The following KHDRBS2 variants were observed in gnomAD, a reference collection of about 807,000 sequenced individuals.
The protein encoded by KHDRBS2 is KH RNA binding domain containing, signal transduction associated 2.
In KHDRBS2, 26 loss-of-function variants were observed where a neutral mutation model predicts 44.3. The observed-to-expected ratio is 0.59, with a 90% CI of 0.43 to 0.81. The LOEUF (loss-of-function observed/expected upper bound fraction) is 0.81, where lower values mean the gene tolerates loss of function less well. Ranked by LOEUF, KHDRBS2 falls within the 40% of genes least tolerant of loss-of-function variation. KHDRBS2 has a pLI of 0.00. For missense variants in KHDRBS2, 476 were observed against 433.1 expected, an observed-to-expected ratio of 1.10 and a Z score of -0.88; for synonymous variants, 194 against 151.1, an observed-to-expected ratio of 1.28 and a Z score of -2.08.
intron 8 of KHDRBS2, among the ~76,000 whole-genome samples, chr6:61,692,822 A>G (rs1767514044): frequency 6.6e-6 from 1 of 152,016 alleles, no homozygotes; most frequent in Non-Finnish European, 1.5e-5. Flanking sequence ...TTGTCCCCAC[A>G]GTTCTTCCTG....
chr6:61,727,931 C>G lies in KHDRBS2; in HGVS notation c.893+4751G>C, dbSNP rs113803216. ...AGCAATCCCATTACTGGGTATGTAC[C>G]CAAAGTAATATAAATCATTTTATTA... On this transcript the variant is annotated intron_variant, in intron 7 of 8. Transcript: ENST00000281156. 1.8e-3 allele frequency among the ~76,000 whole-genome samples: 270 copies of G among 152,008 alleles called. 1 individual carries two copies. The highest frequency in any genetic ancestry group is 6.3e-3 in the African/African-American group (262 of 41,426).
At chr6:62,165,490 G>C (rs1045475730) in intron 2 of KHDRBS2, among the ~76,000 whole-genome samples, 45 of 151,376 alleles carry the variant, frequency 3.0e-4, no homozygotes, top group African/African-American at 1.0e-3. Flanking sequence ...TTTATTAAAT[G>C]CATCTTCTGA....
chr6:62,062,143 C>T (rs1192858913), intron 2 of KHDRBS2, among the ~76,000 whole-genome samples: 1 of 148,362 alleles, frequency 6.7e-6, no homozygotes, highest in Non-Finnish European at 1.5e-5. Context: ...CCTGAGTGAC[C>T]TACAAAGAGA....
At chr6:61,997,358 T>C (rs1376467085) in intron 3 of KHDRBS2, among the ~76,000 whole-genome samples, 1 of 152,208 alleles carries the variant, frequency 6.6e-6, no homozygotes. Flanking sequence ...CTTTGACTTA[T>C]AGTCAATGGA....
chr6:61,833,158 G>A (rs948463222), intron 6 of KHDRBS2, among the ~76,000 whole-genome samples: 2 of 152,088 alleles, frequency 1.3e-5, no homozygotes, highest in Admixed American at 6.6e-5. Context: ...AAAATGGTCA[G>A]GCTCTTTACC....
At chr6:61,773,671 G>T (rs1226260346) in intron 6 of KHDRBS2, among the ~76,000 whole-genome samples, 1 of 151,020 alleles carries the variant, frequency 6.6e-6, no homozygotes, top group Non-Finnish European at 1.5e-5. Context: ...GTCAATTTTG[G>T]CTTTTGTTGC....
At chr6:62,248,247 T>G (rs1453044416) in intron 1 of KHDRBS2, among the ~76,000 whole-genome samples, 2 of 151,634 alleles carry the variant, frequency 1.3e-5, no homozygotes, top group Non-Finnish European at 2.9e-5. Context: ...AGAGAATGGG[T>G]AATTAAATGA....
At chr6:61,843,750 A>C (rs1793957890) in intron 6 of KHDRBS2, among the ~76,000 whole-genome samples, 1 of 152,096 alleles carries the variant, frequency 6.6e-6, no homozygotes, top group Non-Finnish European at 1.5e-5. Flanking sequence ...TTTCACATGC[A>C]TATAGAAAGC....
At chr6:61,581,840 C>A in the KHDRBS2 span, among the ~76,000 whole-genome samples, 10 of 151,044 alleles carry the variant, frequency 6.6e-5, no homozygotes, top group African/African-American at 2.4e-4. Flanking sequence ...TACCCAAGAT[C>A]AAAAAGAGTA....
chr6:62,131,177 C>T (rs1007968677), intron 2 of KHDRBS2, among the ~76,000 whole-genome samples: 1 of 152,044 alleles, frequency 6.6e-6, no homozygotes, highest in Non-Finnish European at 1.5e-5. Context: ...TATGTTTGCC[C>T]ACACTTGAGA....
At chr6:62,281,873 G>A (rs1181491773) in intron 1 of KHDRBS2, among the ~76,000 whole-genome samples, 1 of 152,118 alleles carries the variant, frequency 6.6e-6, no homozygotes, top group African/African-American at 2.4e-5. Context: ...TCTTGTCAAA[G>A]TAGAAATTTT....
intron 6 of KHDRBS2, among the ~76,000 whole-genome samples, chr6:61,893,184 C>A (rs1281423544): frequency 2.6e-5 from 4 of 152,192 alleles, no homozygotes; most frequent in Non-Finnish European, 4.4e-5. Flanking sequence ...AAACGCAAAT[C>A]AAAACCACAA....
intron 2 of KHDRBS2, among the ~76,000 whole-genome samples, chr6:62,056,089 C>T (rs570386646): frequency 1.3e-5 from 2 of 152,074 alleles, no homozygotes; most frequent in East Asian, 3.9e-4. Context: ...AAGACCTTTC[C>T]TTCATCTCTT....
the KHDRBS2 span, among the ~76,000 whole-genome samples, chr6:61,583,866 C>A: frequency 2.0e-5 from 3 of 150,512 alleles, no homozygotes; most frequent in South Asian, 2.1e-4. Flanking sequence ...CTCATTTAGT[C>A]CTTTTTAAGT....
chr6:61,920,013 A>T (rs1466609292), intron 4 of KHDRBS2, among the ~76,000 whole-genome samples: 12 of 152,030 alleles, frequency 7.9e-5, no homozygotes, highest in Middle Eastern at 3.4e-3. Flanking sequence ...AAGATATATG[A>T]CCCCAAGAGC....
chr6:61,930,251 A>C (rs533190781), intron 4 of KHDRBS2, among the ~76,000 whole-genome samples: 2 of 152,148 alleles, frequency 1.3e-5, no homozygotes, highest in Admixed American at 1.3e-4. Flanking sequence ...ATGAGAAATA[A>C]ATTTTTCTTC....
chr6:61,682,073 T>A (rs1766367835), intron 8 of KHDRBS2, among the ~76,000 whole-genome samples: 1 of 151,868 alleles, frequency 6.6e-6, no homozygotes, highest in Non-Finnish European at 1.5e-5. Context: ...AATGGAAATA[T>A]TAACTGGGAA....
chr6:61,574,513 C>G, the KHDRBS2 span: 1 of 823,844 alleles, frequency 1.2e-6, no homozygotes, highest in African/African-American at 1.8e-5. Context: ...TCGGCTGGGG[C>G]GACCTCGGAG....
At chr6:62,122,231 T>A (rs887097217) in intron 2 of KHDRBS2, among the ~76,000 whole-genome samples, 4 of 152,128 alleles carry the variant, frequency 2.6e-5, no homozygotes, top group African/African-American at 9.7e-5. Flanking sequence ...CAGGCCCCCA[T>A]AGATGAATTA....
Sources: gnomAD v4.1 joint callset for allele counts (sites outside exome capture counted in the v4.1 genomes callset) on GRCh38, gnomAD v4.1.1 for gene constraint, MANE v1.5 for transcripts, NCBI Gene and HGNC (gene_info 2026-07-23, HGNC 2026-07-21) for gene names.